Variants in STT3B observed in about 807,000 individuals in gnomAD.
STT3B encodes the protein dolichyl-diphosphooligosaccharide--protein glycosyltransferase subunit STT3B.
In STT3B, 29 loss-of-function variants were observed where a neutral mutation model predicts 96.8. The observed-to-expected ratio is 0.30, with a 90% CI of 0.22 to 0.41. The LOEUF is 0.41. Ranked by LOEUF, STT3B falls within the 10% of genes least tolerant of loss-of-function variation. The probability of loss-of-function intolerance (pLI) is 1.00; values close to 1 mark genes in which losing one functional copy is unlikely to be tolerated. For missense variants in STT3B, 640 were observed against 1,022.3 expected (o/e 0.63, Z 5.10); for synonymous variants, 367 against 360.0 (o/e 1.02, Z -0.22).
At chr3:31,598,136 C>A (rs1379892154) in intron 4 of STT3B, among the ~76,000 whole-genome samples, 1 of 151,848 alleles carries the variant, frequency 6.6e-6, no homozygotes, top group Admixed American at 6.6e-5. Flanking sequence ...GCACCTGGCC[C>A]CTAGCTTTAT....
Position 31,632,953 on chromosome 3 carries a change from C to G in STT3B, c.2206C>G (p.Pro736Ala). Residue 736 changes from proline (P) to alanine (A), a missense_variant, in exon 15 of 16, where the codon CCA (proline) becomes GCA (alanine). Physicochemically the swap from Pro to Ala is conservative, Grantham distance 27. This residue lies in a region of STT3B where 40 missense variants were observed against 122.2 expected (regional missense o/e 0.33). Transcript: ENST00000295770. Reference sequence around the variant, plus strand: ...TTTGCAGCTGGATTTTCGTACACCCCCAGGTTTTGACCGAACACGTAATGC... The same window carrying G: ...TTTGCAGCTGGATTTTCGTACACCCGCAGGTTTTGACCGAACACGTAATGC... ...GEMQLDFRTP[P>A]GFDRTRNAEI... 6.2e-7 allele frequency: 1 copy of G among 1,613,878 alleles called. No individual in the cohort carries two copies. Among genetic ancestry groups the G allele is most frequent in the Non-Finnish European group, 8.5e-7 (1 of 1,179,926 alleles).
intron 1 of STT3B, among the ~76,000 whole-genome samples, chr3:31,552,771 T>TA (rs1320245115): frequency 6.6e-6 from 1 of 152,174 alleles, no homozygotes; most frequent in Non-Finnish European, 1.5e-5. Context: ...TGTTTGCTAG[T>TA]ATCTTTAGCA....
In STT3B at chr3:31,533,020, G is replaced by C; in HGVS notation, c.22G>C (p.Glu8Gln). Residue 8 changes from glutamate (E) to glutamine (Q), a missense_variant, in exon 1 of 16, where the codon GAG becomes CAG. Coordinates refer to ENST00000295770, the MANE Select transcript of STT3B (RefSeq NM_178862.3). MAEPSAP[E>Q]SKHKSSLNSS... is the part of the protein sequence containing the mutation. ...CAACATGGCGGAGCCCTCGGCCCCG[G>C]AGAGCAAGCACAAGTCGTCCCTCAA... 6.3e-7 allele frequency: 1 copy of C among 1,589,554 alleles called. No homozygotes were observed.
At chr3:31,557,560 G>T (rs538105572) in intron 1 of STT3B, among the ~76,000 whole-genome samples, 1 of 151,944 alleles carries the variant, frequency 6.6e-6, no homozygotes, top group Non-Finnish European at 1.5e-5. Context: ...TCATTGTTGC[G>T]TAGTTTTCCT....
At chr3:31,602,639 C>G (rs1231017225) in intron 5 of STT3B, among the ~76,000 whole-genome samples, 1 of 149,652 alleles carries the variant, frequency 6.7e-6, no homozygotes, top group Non-Finnish European at 1.5e-5. Context: ...TTGAGAAAGG[C>G]CTTTGTATTT....
At chr3:31,588,583 A>G (rs184457901) in intron 3 of STT3B, among the ~76,000 whole-genome samples, 1 of 152,136 alleles carries the variant, frequency 6.6e-6, no homozygotes, top group Admixed American at 6.6e-5. Context: ...TTGGGCTACC[A>G]CTAGATTTTT....
At chr3:31,571,740 T>C (rs895178933) in intron 1 of STT3B, among the ~76,000 whole-genome samples, 1 of 151,980 alleles carries the variant, frequency 6.6e-6, no homozygotes, top group African/African-American at 2.4e-5. Flanking sequence ...TTTGGAGCCA[T>C]GTATTAGGCT....
intron 5 of STT3B, among the ~76,000 whole-genome samples, chr3:31,610,489 C>CT: frequency 8.3e-6 from 1 of 120,982 alleles, no homozygotes; most frequent in Non-Finnish European, 1.9e-5. Context: ...GCTGCAATGC[C>CT]TTATCAGAGA....
At position 31,619,762 on chromosome 3, in the gene STT3B, T is replaced by C; in HGVS notation, c.1259T>C (p.Ile420Thr). 6.2e-7 allele frequency: 1 copy of C among 1,613,682 alleles called. No homozygotes were observed. Among genetic ancestry groups the C allele is most frequent in the Non-Finnish European group, 8.5e-7 (1 of 1,179,622 alleles). ...GTGTCTTTCTTCTTTGATCTACATATTCTTGTATGTACCTTCCCAGCAGGC... is the reference window on the plus strand; with the variant it reads ...GTGTCTTTCTTCTTTGATCTACATACTCTTGTATGTACCTTCCCAGCAGGC... ...TWVSFFFDLHILVCTFPAGLW... is the reference protein window; with the variant it reads ...TWVSFFFDLHTLVCTFPAGLW... The change falls in exon 9 of 16, where the codon ATT becomes ACT. Residue 420 changes from isoleucine to threonine, a missense_variant. Physicochemically the swap from Ile to Thr is moderately conservative, Grantham distance 89 (BLOSUM62 -1). Transcript: ENST00000295770.
intron 1 of STT3B, among the ~76,000 whole-genome samples, chr3:31,534,977 C>G (rs1697051068): frequency 6.6e-6 from 1 of 152,012 alleles, no homozygotes; most frequent in South Asian, 2.1e-4. Flanking sequence ...GAAATTGGAA[C>G]CAGAAAATGA....
Position 31,615,144 on chromosome 3 carries a change from T to G in STT3B, c.917T>G (p.Met306Arg). 1 of 1,611,376 alleles carries G rather than the reference T, an allele frequency of 6.2e-7. No individual in the cohort carries two copies. Among genetic ancestry groups the G allele is most frequent in the Non-Finnish European group, 8.5e-7 (1 of 1,178,074 alleles). The change falls in exon 6 of 16, where the codon ATG (methionine) becomes AGG (arginine). Residue 306 changes from methionine (M) to arginine (R), a missense_variant. By Grantham distance (91) the Met-to-Arg change is moderately conservative. Coordinates refer to ENST00000295770, the MANE Select transcript of STT3B (RefSeq NM_178862.3). Reference protein sequence around the residue: ...TFYIVGLILSMQIPFVGFQPI... With the variant: ...TFYIVGLILSRQIPFVGFQPI... ...TACATTGTGGGTTTAATATTATCAATGCAGATACCTTTTGTGGGATTCCAG... is the reference window on the plus strand; with the variant it reads ...TACATTGTGGGTTTAATATTATCAAGGCAGATACCTTTTGTGGGATTCCAG...
At chr3:31,533,445 C>A in intron 1 of STT3B, 133 bp downstream of exon 1, 1 of 1,178,082 alleles carries the variant, frequency 8.5e-7, no homozygotes, top group Non-Finnish European at 1.1e-6. Context: ...CTGAGGCCGG[C>A]GCGGATCCCG....
intron 1 of STT3B, among the ~76,000 whole-genome samples, chr3:31,535,248 A>T (rs1288148195): frequency 6.6e-6 from 1 of 152,124 alleles, no homozygotes; most frequent in Non-Finnish European, 1.5e-5. Flanking sequence ...TCAGCCAAAG[A>T]TCCCCACTAA....
chr3:31,588,040 T>C (rs1309405274), intron 3 of STT3B, among the ~76,000 whole-genome samples: 3 of 152,180 alleles, frequency 2.0e-5, no homozygotes, highest in African/African-American at 7.2e-5. Flanking sequence ...ACTTACTATT[T>C]TGTAGATCAT....
intron 1 of STT3B, among the ~76,000 whole-genome samples, chr3:31,534,320 C>G (rs146425480): frequency 2.6e-3 from 390 of 152,312 alleles, no homozygotes; most frequent in African/African-American, 9.1e-3. Context: ...AACTTAGACA[C>G]TACATTGGTC....
chr3:31,584,505 T>C (rs1045235747), intron 3 of STT3B, among the ~76,000 whole-genome samples: 1 of 152,198 alleles, frequency 6.6e-6, no homozygotes, highest in Non-Finnish European at 1.5e-5. Context: ...CAGAAATTTT[T>C]GTAGAATACA....
chr3:31,616,303 C>T (rs1699306030), intron 6 of STT3B, among the ~76,000 whole-genome samples: 1 of 151,734 alleles, frequency 6.6e-6, no homozygotes, highest in African/African-American at 2.4e-5. Flanking sequence ...ATCTTATAAC[C>T]TACTTACAGG....
At chr3:31,602,358 G>A (rs980074796) in intron 5 of STT3B, among the ~76,000 whole-genome samples, 8 of 151,868 alleles carry the variant, frequency 5.3e-5, no homozygotes, top group Admixed American at 1.3e-4. Flanking sequence ...GTGTTTTGTT[G>A]TTGCTGCTGT....
At chr3:31,626,769 A>G (rs953052188) in intron 13 of STT3B, among the ~76,000 whole-genome samples, 2 of 152,196 alleles carry the variant, frequency 1.3e-5, no homozygotes, top group African/African-American at 4.8e-5. Flanking sequence ...GAGAATTTAT[A>G]GTAAAGTAGT....
Sources: gnomAD v4.1 joint callset for allele counts (sites outside exome capture counted in the v4.1 genomes callset) on GRCh38, gnomAD v4.1.1 for gene constraint, gnomAD v4.1.1 regional missense constraint, MANE v1.5 for transcripts, NCBI Gene and HGNC (gene_info 2026-07-23, HGNC 2026-07-21) for gene names.